The following DZANK1 variants were observed in gnomAD, a reference collection of about 807,000 sequenced individuals.
DZANK1 encodes the protein double zinc ribbon and ankyrin repeat-containing protein 1.
A neutral mutation model predicts 94.5 loss-of-function variants in DZANK1; 91 were observed. The ratio of observed to expected loss-of-function variants is 0.96; its 90% CI spans 0.81 to 1.15. The LOEUF (loss-of-function observed/expected upper bound fraction) is 1.15, where lower values mean the gene tolerates loss of function less well. Among genes scored for constraint, DZANK1 ranks in the 50% most tolerant of loss-of-function variants. The pLI is 0.00. For synonymous variants in DZANK1, 312 were observed against 325.3 expected, an observed-to-expected ratio of 0.96 and a Z score of 0.44; for missense variants, 903 against 916.4, an observed-to-expected ratio of 0.99 and a Z score of 0.19.
intron 14 of DZANK1, among the ~76,000 whole-genome samples, chr20:18,396,817 AG>A (rs1352404417): frequency 6.6e-6 from 1 of 152,360 alleles, no homozygotes; most frequent in South Asian, 2.1e-4. Flanking sequence ...TTGAATAAAA[AG>A]GCAAGATCCA....
chr20:18,413,414 A>T (rs1032165385), intron 12 of DZANK1, among the ~76,000 whole-genome samples: 8 of 152,152 alleles, frequency 5.3e-5, no homozygotes, highest in African/African-American at 1.9e-4. Flanking sequence ...AGAAAAGAAC[A>T]CCTTTGTTTC....
intron 10 of DZANK1, among the ~76,000 whole-genome samples, chr20:18,424,480 A>G (rs6035040): frequency 0.26 from 38,816 of 149,108 alleles, 5,478 homozygotes; most frequent in South Asian, 0.34. Context: ...AAAAAAAAAA[A>G]AAAAGAAAAG....
intron 7 of DZANK1, among the ~76,000 whole-genome samples, chr20:18,448,661 G>A (rs1357330932): frequency 1.3e-5 from 2 of 152,092 alleles, no homozygotes; most frequent in East Asian, 1.9e-4. Flanking sequence ...GAGGTCAAGA[G>A]ATCAAGACCA....
At chr20:18,386,219 T>C (rs1447954184) in intron 19 of DZANK1, among the ~76,000 whole-genome samples, 3 of 152,186 alleles carry the variant, frequency 2.0e-5, no homozygotes. Flanking sequence ...AGAGGGAAGC[T>C]TTTCACTTTC....
In DZANK1 at chr20:18,453,831, G is replaced by A. The variant is rs376895810; in HGVS notation, c.379-4C>T. On this transcript the variant is annotated splice_region_variant and splice_polypyrimidine_tract_variant and intron_variant, in intron 4 of 20. Coordinates refer to ENST00000262547, the Ensembl canonical transcript of DZANK1. ...CAACAAATCCATTTTTGAATTCCTA[G>A]GAATGAAGAGATTGCATATCAATCA... 8.3e-5 allele frequency: 127 copies of A among 1,526,112 alleles called. No homozygotes were observed. The African/African-American group carries it at 1.6e-3, about 19-fold the overall frequency. 94.5% of individuals were successfully genotyped at this position (1,526,112 alleles called of 1,614,324 possible). A position where few individuals can be genotyped will look rare whatever the true frequency, so the allele number is the denominator to read the frequency against.
intron 8 of DZANK1, among the ~76,000 whole-genome samples, chr20:18,442,521 G>GTC (rs35628331): frequency 0.026 from 3,916 of 152,180 alleles, 80 homozygotes; most frequent in Non-Finnish European, 0.037. Context: ...AGTTTAAAAT[G>GTC]TATCACTGAA....
chr20:18,423,227 T>C (rs2057878948), intron 10 of DZANK1, among the ~76,000 whole-genome samples: 1 of 152,206 alleles, frequency 6.6e-6, no homozygotes, highest in Non-Finnish European at 1.5e-5. Context: ...GTGAAAGTAC[T>C]GTACATGCCA....
At chr20:18,403,276 C>T (rs79346623) in intron 13 of DZANK1, among the ~76,000 whole-genome samples, 5,077 of 152,230 alleles carry the variant, frequency 0.033, 230 homozygotes, top group African/African-American at 0.1. Flanking sequence ...TCATTCAGCA[C>T]AAGTCCAATG....
chr20:18,434,049 C>A (rs2058403976), intron 8 of DZANK1: 2 of 281,292 alleles, frequency 7.1e-6, no homozygotes, highest in Admixed American at 5.0e-5. Flanking sequence ...ACTATGTACC[C>A]CATAAATATG....
intron 9 of DZANK1, 130 bp downstream of exon 9, chr20:18,433,522 A>G: frequency 2.7e-6 from 2 of 748,504 alleles, no homozygotes; most frequent in Non-Finnish European, 2.2e-6. Context: ...AGCCTGTGTG[A>G]CAGAACAAGA....
chr20:18,452,478 A>C, intron 6 of DZANK1, 137 bp downstream of exon 6: 1 of 1,013,168 alleles, frequency 9.9e-7, no homozygotes, highest in Non-Finnish European at 1.4e-6. Flanking sequence ...TTTCTTGTCC[A>C]GTACAGTATT....
At chr20:18,440,007 A>G (rs550896086) in intron 8 of DZANK1, among the ~76,000 whole-genome samples, 3 of 152,264 alleles carry the variant, frequency 2.0e-5, no homozygotes, top group African/African-American at 4.8e-5. Context: ...CTTTGATCCA[A>G]TATGACTGAT....
intron 15 of DZANK1, 57 bp downstream of exon 15, chr20:18,396,415 G>A (rs2056344872): frequency 1.5e-6 from 2 of 1,366,518 alleles, no homozygotes; most frequent in Non-Finnish European, 2.1e-6. Context: ...TCTATAAATT[G>A]TCTCAATTTA....
In DZANK1 at chr20:18,465,238, T is replaced by C. The variant is rs369202813; in HGVS notation, c.109+12A>G. Reference sequence around the variant, plus strand: ...GTTATTTTAAACAATTTCAAACATATGTGATTCTTACCTGATTTCATTTCC... The same window carrying C: ...GTTATTTTAAACAATTTCAAACATACGTGATTCTTACCTGATTTCATTTCC... On this transcript the variant is annotated intron_variant, in intron 2 of 20. Transcript: ENST00000262547. 24 of 1,507,666 alleles carry C rather than the reference T, an allele frequency of 1.6e-5. No individual in the cohort carries two copies. In the Admixed American group the frequency reaches 3.4e-4, roughly 21 times the overall value. 93.4% of individuals were successfully genotyped at this position (1,507,666 alleles called of 1,614,324 possible). A position where few individuals can be genotyped will look rare whatever the true frequency, so the allele number is the denominator to read the frequency against.
chr20:18,448,881 AAAAAAGTTGGAGGTGGGC>A, intron 7 of DZANK1, 85 bp downstream of exon 7: 3 of 973,940 alleles, frequency 3.1e-6, no homozygotes, highest in Non-Finnish European at 3.0e-6. Flanking sequence ...AAAAAAAAAA[AAAAAAGTTGGAGGTGGGC>A]AAAAATGTCG....
intron 7 of DZANK1, among the ~76,000 whole-genome samples, chr20:18,446,907 T>G (rs2058898968): frequency 6.6e-6 from 1 of 152,086 alleles, no homozygotes; most frequent in Non-Finnish European, 1.5e-5. Flanking sequence ...TCCCCCAACA[T>G]CCCTTATGCA....
At chr20:18,447,240 T>C (rs572985993) in intron 7 of DZANK1, among the ~76,000 whole-genome samples, 1 of 151,996 alleles carries the variant, frequency 6.6e-6, no homozygotes, top group African/African-American at 2.4e-5. Context: ...CTTTGGGAGG[T>C]TGAGGGGAGC....
intron 15 of DZANK1, chr20:18,394,882 C>T (rs1351795495): frequency 4.4e-6 from 2 of 456,568 alleles, no homozygotes; most frequent in Admixed American, 2.4e-5. Flanking sequence ...ATAATATGAC[C>T]TACCTCAATG....
At chr20:18,414,646 G>T in intron 11 of DZANK1, 134 bp from the exon 12 acceptor site, 2 of 1,074,148 alleles carry the variant, frequency 1.9e-6, no homozygotes, top group Non-Finnish European at 2.6e-6. Flanking sequence ...TTATCCTACA[G>T]ATGGACAAGT....
Sources: allele counts gnomAD v4.1 joint callset (sites outside exome capture counted in the v4.1 genomes callset), GRCh38; gene constraint gnomAD v4.1.1; transcripts MANE v1.5; gene names NCBI Gene and HGNC (gene_info 2026-07-23, HGNC 2026-07-21).